The following TACR1 variants were observed in gnomAD, a reference collection of about 807,000 sequenced individuals.
TACR1 encodes tachykinin receptor 1, also known as substance-P receptor.
In TACR1, 25 loss-of-function variants were observed where a neutral mutation model predicts 35.8. The ratio of observed to expected loss-of-function variants is 0.70; its 90% CI spans 0.51 to 0.98. TACR1 has a LOEUF of 0.98. Among genes scored for constraint, TACR1 ranks in the 50% least tolerant of loss-of-function variants. The pLI, the probability that TACR1 is intolerant of heterozygous loss-of-function variation, is 0.00. For missense variants in TACR1, 478 were observed against 522.9 expected (o/e 0.91, Z 0.84); for synonymous variants, 195 against 206.7 (o/e 0.94, Z 0.48).
intron 2 of TACR1, among the ~76,000 whole-genome samples, chr2:75,110,011 C>T (rs949620966): frequency 2.6e-5 from 4 of 152,096 alleles, no homozygotes; most frequent in Admixed American, 1.3e-4. Context: ...TCAGCAATGA[C>T]AGAAAATGAC....
At chr2:75,084,499 A>G (rs1018500655) in intron 2 of TACR1, among the ~76,000 whole-genome samples, 3 of 152,206 alleles carry the variant, frequency 2.0e-5, no homozygotes, top group African/African-American at 7.2e-5. Context: ...TTCAGAAGGA[A>G]TGGTACCAGC....
intron 2 of TACR1, among the ~76,000 whole-genome samples, chr2:75,106,615 C>T (rs1319769364): frequency 6.6e-6 from 1 of 151,788 alleles, no homozygotes; most frequent in Admixed American, 6.6e-5. Flanking sequence ...TTTCCTTTTC[C>T]TATAAATGGA....
At chr2:75,165,706 G>A (rs183221542) in intron 1 of TACR1, among the ~76,000 whole-genome samples, 127 of 152,210 alleles carry the variant, frequency 8.3e-4, no homozygotes, top group Admixed American at 1.9e-3. Flanking sequence ...CATAAAATAT[G>A]GTGCGCCCAG....
chr2:75,063,977 A>G (rs1672719345), intron 2 of TACR1, among the ~76,000 whole-genome samples: 1 of 152,146 alleles, frequency 6.6e-6, no homozygotes, highest in Admixed American at 6.6e-5. Flanking sequence ...CAGGTTGTAA[A>G]TCCACTGGCC....
At chr2:75,085,914 T>A (rs1200918446) in intron 2 of TACR1, among the ~76,000 whole-genome samples, 1 of 152,252 alleles carries the variant, frequency 6.6e-6, no homozygotes, top group Non-Finnish European at 1.5e-5. Flanking sequence ...TATGCACCAG[T>A]ATTTTTAGAG....
chr2:75,093,590 C>G (rs529852042), intron 2 of TACR1, among the ~76,000 whole-genome samples: 3 of 152,256 alleles, frequency 2.0e-5, no homozygotes, highest in Middle Eastern at 3.4e-3. Context: ...CACCCATCTG[C>G]GTAGACTGCA....
At position 75,152,284 on chromosome 2, in the gene TACR1, G is replaced by C. The variant is rs557017420; in HGVS notation, c.390-31516C>G. On this transcript the variant is annotated intron_variant, in intron 1 of 4. Transcript: ENST00000305249. Reference sequence around the variant, plus strand: ...TGTTTCCCTACCCAAACCTCAATTTGATTTGTATCTCCCATAATTCCCACG... The same window carrying C: ...TGTTTCCCTACCCAAACCTCAATTTCATTTGTATCTCCCATAATTCCCACG... Among the ~76,000 whole-genome samples the C allele has an allele frequency of 4.6e-5, 7 of 152,270 alleles. No homozygotes were observed. In the South Asian group the frequency reaches 1.5e-3, roughly 32 times the overall value.
intron 2 of TACR1, among the ~76,000 whole-genome samples, chr2:75,083,328 G>C (rs1438802696): frequency 1.1e-4 from 16 of 152,122 alleles, no homozygotes; most frequent in African/African-American, 2.4e-4. Context: ...GGTTACTGTA[G>C]CCTTGTAGTA....
intron 2 of TACR1, among the ~76,000 whole-genome samples, chr2:75,056,071 T>G (rs1301076259): frequency 2.0e-5 from 3 of 152,250 alleles, no homozygotes; most frequent in African/African-American, 7.2e-5. Flanking sequence ...CCCAAGTTAC[T>G]GTAATAGACA....
intron 1 of TACR1, among the ~76,000 whole-genome samples, chr2:75,183,645 C>G (rs917694791): frequency 7.9e-5 from 12 of 152,146 alleles, no homozygotes; most frequent in African/African-American, 2.4e-4. Context: ...AGTAGTCCCT[C>G]CCCTGCTCTG....
chr2:75,078,507 A>G (rs1673020681), intron 2 of TACR1, among the ~76,000 whole-genome samples: 1 of 152,076 alleles, frequency 6.6e-6, no homozygotes, highest in Non-Finnish European at 1.5e-5. Flanking sequence ...ATTAGTCTCT[A>G]CCTTGTCTCT....
At chr2:75,081,910 T>A (rs901811103) in intron 2 of TACR1, among the ~76,000 whole-genome samples, 1 of 150,144 alleles carries the variant, frequency 6.7e-6, no homozygotes, top group African/African-American at 2.5e-5. Flanking sequence ...TTTTTTTTTT[T>A]TTAAATATAT....
At chr2:75,166,259 T>C (rs1383883996) in intron 1 of TACR1, among the ~76,000 whole-genome samples, 1 of 152,224 alleles carries the variant, frequency 6.6e-6, no homozygotes, top group Non-Finnish European at 1.5e-5. Context: ...ACATCCATTT[T>C]TGATAAAATC....
At chr2:75,065,446 C>T (rs1350822199) in intron 2 of TACR1, among the ~76,000 whole-genome samples, 2 of 152,162 alleles carry the variant, frequency 1.3e-5, no homozygotes, top group Non-Finnish European at 2.9e-5. Context: ...TGATATAATC[C>T]ACCCACTCTC....
chr2:75,109,323 C>A (rs1001206967), intron 2 of TACR1, among the ~76,000 whole-genome samples: 3 of 152,100 alleles, frequency 2.0e-5, no homozygotes, highest in Admixed American at 1.3e-4. Flanking sequence ...TGCTCCTGTA[C>A]AGTGTTGAGG....
intron 1 of TACR1, among the ~76,000 whole-genome samples, chr2:75,149,593 TC>T (rs1360240054): frequency 6.6e-6 from 1 of 152,230 alleles, no homozygotes; most frequent in Non-Finnish European, 1.5e-5. Flanking sequence ...TGATTTTGTA[TC>T]CTGGGACTTT....
At chr2:75,159,469 C>T (rs997934418) in intron 1 of TACR1, among the ~76,000 whole-genome samples, 7 of 152,110 alleles carry the variant, frequency 4.6e-5, no homozygotes, top group East Asian at 3.9e-4. Context: ...CTGGAAACTC[C>T]GAGAATTCCT....
chr2:75,073,022 A>C (rs1433253430), intron 2 of TACR1, among the ~76,000 whole-genome samples: 5 of 152,204 alleles, frequency 3.3e-5, no homozygotes, highest in African/African-American at 1.2e-4. Flanking sequence ...TACTATCTCA[A>C]CACCAGAAAA....
rs769294302 is a variant in TACR1 at position 75,198,822 on chromosome 2, G to A, written c.113C>T (p.Ala38Val). ...PAWQIVLWAA[A>V]YTVIVVTSVV... ...AGAGGTCACCACAATGACCGTGTAGGCAGCTGCCCAAAGGACAATTTGCCA... is the reference window on the plus strand; with the variant it reads ...AGAGGTCACCACAATGACCGTGTAGACAGCTGCCCAAAGGACAATTTGCCA... Residue 38 changes from alanine (A) to valine (V), a missense_variant, in exon 1 of 5, where the codon GCC (alanine) becomes GTC (valine). Ala to Val is a moderately conservative substitution (Grantham distance 64). Coordinates refer to ENST00000305249, the MANE Select transcript of TACR1 (RefSeq NM_001058.4). 14 of 1,614,028 alleles carry A rather than the reference G, an allele frequency of 8.7e-6. No individual in the cohort carries two copies. Among genetic ancestry groups the A allele is most frequent in the Non-Finnish European group, 1.2e-5 (14 of 1,180,028 alleles).
Sources: gnomAD v4.1 joint callset for allele counts (sites outside exome capture counted in the v4.1 genomes callset) on GRCh38, gnomAD v4.1.1 for gene constraint, MANE v1.5 for transcripts, NCBI Gene and HGNC (gene_info 2026-07-23, HGNC 2026-07-21) for gene names.